Variants in RCL1 observed in about 807,000 individuals in gnomAD.
RCL1 encodes RNA terminal phosphate cyclase like 1.
RCL1 carries 24 observed loss-of-function variants against 42.4 expected under a neutral mutation model. The observed-to-expected ratio is 0.57, with a 90% CI of 0.41 to 0.80. The LOEUF (loss-of-function observed/expected upper bound fraction) is 0.80, where lower values mean the gene tolerates loss of function less well. Among genes scored for constraint, RCL1 ranks in the 30% least tolerant of loss-of-function variants. RCL1 has a pLI of 0.00. For synonymous variants in RCL1, 228 were observed against 177.3 expected, an observed-to-expected ratio of 1.29 and a Z score of -2.27; for missense variants, 578 against 467.9, an observed-to-expected ratio of 1.24 and a Z score of -2.17.
rs536689445 is a variant in RCL1 at position 4,839,041 on chromosome 9, A to G, written c.585-2191A>G. Among the ~76,000 whole-genome samples, 47 of 152,326 alleles carry G rather than the reference A, an allele frequency of 3.1e-4. 1 individual carries two copies. The highest frequency in any genetic ancestry group is 1.0e-3 in the African/African-American group (43 of 41,590). ...ATGACAGCACAGAGAAGTTACCACA[A>G]TTAACCTGGAGTGATGCAGCTTGCT... On this transcript the variant is annotated intron_variant, in intron 5 of 8. Coordinates refer to ENST00000381750, the MANE Select transcript of RCL1 (RefSeq NM_005772.5).
At chr9:4,831,076 A>C (rs443934) in intron 3 of RCL1, among the ~76,000 whole-genome samples, 79,156 of 152,022 alleles carry the variant, frequency 0.52, 23,467 homozygotes, top group East Asian at 0.76. Context: ...GGAATTGTCT[A>C]GGGTCTAACA....
At chr9:4,801,333 G>A (rs897012387) in intron 1 of RCL1, among the ~76,000 whole-genome samples, 7 of 152,088 alleles carry the variant, frequency 4.6e-5, no homozygotes, top group South Asian at 4.2e-4. Context: ...CATCATGCCC[G>A]GCTAATATTT....
chr9:4,849,332 T>A, intron 7 of RCL1, 115 bp from the exon 8 acceptor site: 1 of 720,662 alleles, frequency 1.4e-6, no homozygotes. Context: ...GTTTTATTGT[T>A]GCTTGAACTT....
At chr9:4,800,201 A>G (rs1842975519) in intron 1 of RCL1, among the ~76,000 whole-genome samples, 1 of 151,276 alleles carries the variant, frequency 6.6e-6, no homozygotes, top group Non-Finnish European at 1.5e-5. Context: ...AAATTTGTGG[A>G]CAGGTTTTTC....
intron 1 of RCL1, among the ~76,000 whole-genome samples, chr9:4,813,262 G>A (rs1322427118): frequency 6.6e-6 from 1 of 152,004 alleles, no homozygotes. Context: ...CTACAGAATG[G>A]GAGAAAATTT....
chr9:4,856,893 GC>G (rs1817980227), intron 8 of RCL1, among the ~76,000 whole-genome samples: 1 of 152,126 alleles, frequency 6.6e-6, no homozygotes, highest in African/African-American at 2.4e-5. Flanking sequence ...AATTGTTCAG[GC>G]CCCCTTTTCT....
At position 4,793,006 on chromosome 9, in the gene RCL1, C is replaced by A; in HGVS notation, c.-86C>A. 1 of 1,459,038 alleles carries A rather than the reference C, an allele frequency of 6.9e-7. No individual in the cohort carries two copies. Among genetic ancestry groups the A allele is most frequent in the Non-Finnish European group, 9.2e-7 (1 of 1,086,838 alleles). 90.4% of individuals were successfully genotyped at this position (1,459,038 alleles called of 1,614,324 possible). A position where few individuals can be genotyped will look rare whatever the true frequency, so the allele number is the denominator to read the frequency against. Reference sequence around the variant, plus strand: ...CGAGCCGCCGCCGTCGGTGTCGCCGCCACCACCACCATCGGAGTCACGAGT... The same window carrying A: ...CGAGCCGCCGCCGTCGGTGTCGCCGACACCACCACCATCGGAGTCACGAGT... On this transcript the variant is annotated 5_prime_UTR_variant, in exon 1 of 9. Transcript: ENST00000381750.
rs1352037268 is a variant in RCL1 at position 4,855,076 on chromosome 9, G to A, written c.972-5049G>A. ...TCAAAAAAAAAAAAAAAAAAAAATA[G>A]GAAAAGTTATCTCTGTGCTCCAGAA... On this transcript the variant is annotated intron_variant, in intron 8 of 8. Coordinates refer to ENST00000381750, the MANE Select transcript of RCL1 (RefSeq NM_005772.5). 4.7e-5 allele frequency among the ~76,000 whole-genome samples: 6 copies of A among 127,238 alleles called. No homozygotes were observed. The East Asian group carries it at 1.1e-3, about 24-fold the overall frequency. The allele number at this position is 127,238 out of a possible 152,430, so 83.5% of individuals were successfully genotyped here.
intron 1 of RCL1, among the ~76,000 whole-genome samples, chr9:4,800,364 A>G (rs1842978686): frequency 6.6e-6 from 1 of 151,882 alleles, no homozygotes; most frequent in Non-Finnish European, 1.5e-5. Context: ...ACAGGCACCC[A>G]CCACCATGCC....
At position 4,841,166 on chromosome 9, in the gene RCL1, C is replaced by T. The variant is rs770464823; in HGVS notation, c.585-66C>T. 2.5e-6 allele frequency: 4 copies of T among 1,595,570 alleles called. No individual in the cohort carries two copies. In the South Asian group the frequency reaches 3.3e-5, roughly 13 times the overall value. On this transcript the variant is annotated intron_variant, in intron 5 of 8. Transcript: ENST00000381750. ...CTACAGTTCCACAAATACTTGCCAG[C>T]TTTATAACTGATTTTTCTCTGTCCT...
intron 1 of RCL1, among the ~76,000 whole-genome samples, chr9:4,793,697 G>C (rs1443528202): frequency 2.6e-5 from 4 of 152,210 alleles, no homozygotes; most frequent in Admixed American, 1.3e-4. Context: ...CTGCCCCCTT[G>C]GACACCGGCT....
At chr9:4,810,733 A>G (rs771889925) in intron 1 of RCL1, among the ~76,000 whole-genome samples, 6 of 152,304 alleles carry the variant, frequency 3.9e-5, no homozygotes, top group Non-Finnish European at 7.4e-5. Context: ...GTACAAAGTG[A>G]CTGTAAATAT....
intron 8 of RCL1, among the ~76,000 whole-genome samples, chr9:4,854,719 T>C (rs1408234368): frequency 6.6e-6 from 1 of 152,134 alleles, no homozygotes; most frequent in Non-Finnish European, 1.5e-5. Context: ...TCATGGCCTT[T>C]CCTGTTGACC....
In RCL1 at chr9:4,837,324, A is replaced by G. The variant is rs111586571; in HGVS notation, c.584+3059A>G. Among the ~76,000 whole-genome samples, 573 of 152,326 alleles carry G rather than the reference A, an allele frequency of 3.8e-3. 11 individuals are homozygous for G. Among genetic ancestry groups the G allele is most frequent in the African/African-American group, 0.013 (555 of 41,570 alleles). On this transcript the variant is annotated intron_variant, in intron 5 of 8. Transcript: ENST00000381750. ...TACACTGCGGTTAATGGCTTTAACC[A>G]CAACATTTTTGGCAATGGTGAAAAA...
chr9:4,830,756 C>T (rs1816916039), intron 3 of RCL1, among the ~76,000 whole-genome samples: 1 of 152,184 alleles, frequency 6.6e-6, no homozygotes, highest in Non-Finnish European at 1.5e-5. Flanking sequence ...GTGGGTGTTT[C>T]AGACAAGGTA....
chr9:4,803,476 T>C (rs1271152886), intron 1 of RCL1, among the ~76,000 whole-genome samples: 3 of 152,188 alleles, frequency 2.0e-5, no homozygotes, highest in Non-Finnish European at 2.9e-5. Context: ...GGATTTCATG[T>C]ATACCCTTAT....
intron 8 of RCL1, among the ~76,000 whole-genome samples, chr9:4,852,083 A>G (rs981861819): frequency 6.6e-5 from 10 of 151,948 alleles, no homozygotes; most frequent in African/African-American, 9.7e-5. Flanking sequence ...GGGTTTCACC[A>G]TGTTAGCCAG....
chr9:4,843,728 A>G (rs1817411006), intron 6 of RCL1, among the ~76,000 whole-genome samples: 1 of 152,238 alleles, frequency 6.6e-6, no homozygotes, highest in South Asian at 2.1e-4. Context: ...CAGCAGTGGC[A>G]CCTTGTCTTG....
chr9:4,858,507 T>G (rs1421098403), intron 8 of RCL1, among the ~76,000 whole-genome samples: 2 of 152,274 alleles, frequency 1.3e-5, no homozygotes, highest in East Asian at 3.8e-4. Flanking sequence ...CTTACAGCTA[T>G]GACTTTGATC....
Sources: allele counts gnomAD v4.1 joint callset (sites outside exome capture counted in the v4.1 genomes callset), GRCh38; gene constraint gnomAD v4.1.1; transcripts MANE v1.5; gene names NCBI Gene and HGNC (gene_info 2026-07-23, HGNC 2026-07-21).